Variants in SLC8A1 observed in about 807,000 individuals in gnomAD.
SLC8A1 encodes solute carrier family 8 member A1, also known as sodium/calcium exchanger 1.
In SLC8A1, 18 loss-of-function variants were observed where a neutral mutation model predicts 68.3. The observed-to-expected ratio is 0.26, with a 90% confidence interval of 0.18 to 0.39. SLC8A1 has a LOEUF of 0.39. Ranked by LOEUF, SLC8A1 falls within the 10% of genes least tolerant of loss-of-function variation. The probability of loss-of-function intolerance (pLI) is 1.00; values close to 1 mark genes in which losing one functional copy is unlikely to be tolerated. For missense variants in SLC8A1, 985 were observed against 1,156.7 expected (o/e 0.85, Z 2.15); for synonymous variants, 475 against 415.5 (o/e 1.14, Z -1.74).
intron 2 of SLC8A1, among the ~76,000 whole-genome samples, chr2:40,191,970 T>G (rs2051953005): frequency 6.6e-6 from 1 of 152,182 alleles, no homozygotes; most frequent in African/African-American, 2.4e-5. Context: ...GATCTAGATT[T>G]GCATTTGCAA....
chr2:40,445,645 G>A (rs958925613), intron 1 of SLC8A1, among the ~76,000 whole-genome samples: 10 of 152,176 alleles, frequency 6.6e-5, no homozygotes, highest in African/African-American at 1.9e-4. Flanking sequence ...ATGGTATGAA[G>A]CAACAGAAGG....
chr2:40,200,063 G>A (rs1377184618), intron 2 of SLC8A1, among the ~76,000 whole-genome samples: 1 of 144,654 alleles, frequency 6.9e-6, no homozygotes, highest in Non-Finnish European at 1.5e-5. Context: ...CAGAGGACTT[G>A]CCAAGCACAA....
At chr2:40,375,858 T>G (rs1436235157) in intron 2 of SLC8A1, among the ~76,000 whole-genome samples, 2 of 151,960 alleles carry the variant, frequency 1.3e-5, no homozygotes, top group Non-Finnish European at 2.9e-5. Flanking sequence ...AAAAATTAGC[T>G]GGGCGCAGTG....
At chr2:40,481,705 T>C (rs1477654340) in intron 1 of SLC8A1, among the ~76,000 whole-genome samples, 1 of 152,178 alleles carries the variant, frequency 6.6e-6, no homozygotes, top group Non-Finnish European at 1.5e-5. Flanking sequence ...GGAAAAGTAA[T>C]GATTTCTAAG....
chr2:40,509,181 A>C (rs1215171698), intron 1 of SLC8A1, among the ~76,000 whole-genome samples: 1 of 152,142 alleles, frequency 6.6e-6, no homozygotes, highest in African/African-American at 2.4e-5. Context: ...TAAGATAAAA[A>C]ATTGAAAGCG....
At chr2:40,134,462 T>A (rs1433033368) in intron 7 of SLC8A1, among the ~76,000 whole-genome samples, 1 of 152,086 alleles carries the variant, frequency 6.6e-6, no homozygotes, top group Non-Finnish European at 1.5e-5. Flanking sequence ...GAGAAAAGAA[T>A]GAAGAAAATA....
chr2:40,338,778 T>A (rs1666807093), intron 2 of SLC8A1, among the ~76,000 whole-genome samples: 1 of 152,208 alleles, frequency 6.6e-6, no homozygotes, highest in South Asian at 2.1e-4. Flanking sequence ...TCCTAATAGA[T>A]CCTGAAAGGT....
intron 2 of SLC8A1, among the ~76,000 whole-genome samples, chr2:40,406,041 T>C (rs575839243): frequency 3.9e-5 from 6 of 152,314 alleles, no homozygotes; most frequent in South Asian, 4.1e-4. Flanking sequence ...CCTCTTTCTA[T>C]AGCACTGAAC....
At chr2:40,324,176 T>C (rs1463725064) in intron 2 of SLC8A1, among the ~76,000 whole-genome samples, 1 of 152,044 alleles carries the variant, frequency 6.6e-6, no homozygotes, top group African/African-American at 2.4e-5. Flanking sequence ...TGAAATATGA[T>C]GAGGTAAAAG....
intron 2 of SLC8A1, among the ~76,000 whole-genome samples, chr2:40,349,392 A>C (rs1670351704): frequency 6.6e-6 from 1 of 152,216 alleles, no homozygotes; most frequent in Admixed American, 6.5e-5. Flanking sequence ...TCTGTGGAAA[A>C]TGTTATTTCA....
intron 2 of SLC8A1, among the ~76,000 whole-genome samples, chr2:40,280,152 T>A (rs564450247): frequency 5.5e-4 from 81 of 147,958 alleles, no homozygotes; most frequent in African/African-American, 1.9e-3. Context: ...AAAACAGACA[T>A]GAATATTGAT....
intron 2 of SLC8A1, among the ~76,000 whole-genome samples, chr2:40,222,057 G>T (rs773661542): frequency 3.2e-4 from 49 of 152,072 alleles, no homozygotes; most frequent in Non-Finnish European, 6.5e-4. Flanking sequence ...AGCCTGTGTA[G>T]CCAAGACAAT....
intron 2 of SLC8A1, among the ~76,000 whole-genome samples, chr2:40,282,275 T>G (rs1398671250): frequency 1.3e-5 from 2 of 152,182 alleles, no homozygotes; most frequent in African/African-American, 4.8e-5. Context: ...ATTTCTGATC[T>G]GGAATAAAAT....
chr2:40,449,091 C>T (rs1176397700), intron 1 of SLC8A1, among the ~76,000 whole-genome samples: 1 of 151,120 alleles, frequency 6.6e-6, no homozygotes, highest in Non-Finnish European at 1.5e-5. Context: ...ATATACTATC[C>T]TCCCTGTACC....
chr2:40,328,486 C>T (rs1270023227), intron 2 of SLC8A1, among the ~76,000 whole-genome samples: 3 of 151,804 alleles, frequency 2.0e-5, no homozygotes, highest in Admixed American at 6.6e-5. Context: ...TTATATATTT[C>T]TGTAGGTAAT....
At chr2:40,181,481 G>C (rs1046927699) in intron 2 of SLC8A1, among the ~76,000 whole-genome samples, 3 of 152,174 alleles carry the variant, frequency 2.0e-5, no homozygotes, top group Non-Finnish European at 4.4e-5. Context: ...GCCTGGCAAA[G>C]ACATCTAAAA....
exon 8 of SLC8A1, chr2:40,100,348 A>G (rs1466726962): frequency 6.6e-6 from 1 of 152,170 alleles, no homozygotes; most frequent in Non-Finnish European, 1.5e-5. Flanking sequence ...ACTGTAATTT[A>G]GCCTTGAGCT....
At chr2:40,368,859 G>A (rs994869026) in intron 2 of SLC8A1, among the ~76,000 whole-genome samples, 1 of 152,002 alleles carries the variant, frequency 6.6e-6, no homozygotes, top group Non-Finnish European at 1.5e-5. Context: ...CAATAAAACA[G>A]AATAGAGAAC....
chr2:40,147,269 A>C (rs2042645307), intron 6 of SLC8A1, among the ~76,000 whole-genome samples: 2 of 152,126 alleles, frequency 1.3e-5, no homozygotes, highest in Admixed American at 1.3e-4. Context: ...GTGTTCCTAA[A>C]TTACAGTTTA....
Sources: gnomAD v4.1 joint callset for allele counts (sites outside exome capture counted in the v4.1 genomes callset) on GRCh38, gnomAD v4.1.1 for gene constraint, MANE v1.5 for transcripts, NCBI Gene and HGNC (gene_info 2026-07-23, HGNC 2026-07-21) for gene names.